The following STK32B variants were observed in gnomAD, a reference collection of about 807,000 sequenced individuals.
STK32B encodes the protein serine/threonine kinase 32B.
In STK32B, 43 loss-of-function variants were observed where a neutral mutation model predicts 52.6. The observed-to-expected ratio is 0.82, with a 90% CI of 0.64 to 1.05. The LOEUF is 1.05. Ranked by LOEUF, STK32B falls within the 50% of genes least tolerant of loss-of-function variation. STK32B has a pLI of 0.00. For missense variants in STK32B, 621 were observed against 534.6 expected, an observed-to-expected ratio of 1.16 and a Z score of -1.59; for synonymous variants, 238 against 204.3, an observed-to-expected ratio of 1.17 and a Z score of -1.41.
intron 4 of STK32B, among the ~76,000 whole-genome samples, chr4:5,359,156 T>C (rs1206528471): frequency 1.3e-5 from 2 of 152,186 alleles, no homozygotes; most frequent in East Asian, 3.8e-4. Flanking sequence ...TTCCTTAAAG[T>C]CAGATTGGGG....
chr4:5,197,176 T>C (rs1212222536), intron 3 of STK32B, among the ~76,000 whole-genome samples: 1 of 152,160 alleles, frequency 6.6e-6, no homozygotes, highest in Admixed American at 6.5e-5. Flanking sequence ...TGATGGAGAC[T>C]GTGGCTAGCA....
At chr4:5,061,526 T>A (rs1451293555) in intron 1 of STK32B, among the ~76,000 whole-genome samples, 1 of 152,190 alleles carries the variant, frequency 6.6e-6, no homozygotes, top group Non-Finnish European at 1.5e-5. Context: ...TGTAAAAAAA[T>A]TGCATGCTGG....
At chr4:5,142,794 G>T (rs576720708) in intron 2 of STK32B, among the ~76,000 whole-genome samples, 1 of 152,310 alleles carries the variant, frequency 6.6e-6, no homozygotes, top group African/African-American at 2.4e-5. Context: ...CGATCTAGAT[G>T]TCCCTGCGAA....
At chr4:5,308,522 G>T (rs1036948112) in intron 3 of STK32B, among the ~76,000 whole-genome samples, 1 of 152,158 alleles carries the variant, frequency 6.6e-6, no homozygotes, top group African/African-American at 2.4e-5. Context: ...ATAGGAGTAA[G>T]TGTGTGGTAT....
chr4:5,211,837 AATG>A (rs1460785450), intron 3 of STK32B, among the ~76,000 whole-genome samples: 15 of 152,202 alleles, frequency 9.9e-5, no homozygotes, highest in African/African-American at 3.6e-4. Context: ...CAAGCTCTAA[AATG>A]ATCAAGCGAC....
chr4:5,228,654 T>G (rs56089601), intron 3 of STK32B, among the ~76,000 whole-genome samples: 1 of 152,066 alleles, frequency 6.6e-6, no homozygotes, highest in Non-Finnish European at 1.5e-5. Flanking sequence ...CAATAATTCT[T>G]TGGTTCCCAG....
chr4:5,200,594 T>G (rs1722064532), intron 3 of STK32B, among the ~76,000 whole-genome samples: 1 of 152,092 alleles, frequency 6.6e-6, no homozygotes, highest in Non-Finnish European at 1.5e-5. Flanking sequence ...AAAACTCTCA[T>G]GCCTCATTGC....
At chr4:5,247,366 C>G (rs1008378153) in intron 3 of STK32B, among the ~76,000 whole-genome samples, 1 of 152,244 alleles carries the variant, frequency 6.6e-6, no homozygotes, top group African/African-American at 2.4e-5. Context: ...GTAGGACCCT[C>G]TGAGCCATGT....
intron 2 of STK32B, among the ~76,000 whole-genome samples, chr4:5,164,162 T>A (rs1317646885): frequency 6.6e-6 from 1 of 152,202 alleles, no homozygotes; most frequent in African/African-American, 2.4e-5. Context: ...ATTTATTATC[T>A]TACAGTTTCG....
At chr4:5,271,352 A>G (rs1279266685) in intron 3 of STK32B, among the ~76,000 whole-genome samples, 1 of 152,196 alleles carries the variant, frequency 6.6e-6, no homozygotes, top group Admixed American at 6.5e-5. Flanking sequence ...TACTGAAAGA[A>G]GGCTTAAATA....
chr4:5,224,380 G>C (rs1332146773), intron 3 of STK32B, among the ~76,000 whole-genome samples: 1 of 152,158 alleles, frequency 6.6e-6, no homozygotes. Flanking sequence ...GCTTCTCTTA[G>C]CCTACTAGAA....
intron 4 of STK32B, 60 bp downstream of exon 4, chr4:5,331,453 G>A (rs1217137801): frequency 7.8e-6 from 12 of 1,540,848 alleles, no homozygotes; most frequent in Non-Finnish European, 1.1e-5. Flanking sequence ...GGTGTCAGGA[G>A]CAGTCTGCAG....
intron 6 of STK32B, among the ~76,000 whole-genome samples, chr4:5,417,234 T>A (rs1017714292): frequency 6.6e-6 from 1 of 152,248 alleles, no homozygotes; most frequent in Non-Finnish European, 1.5e-5. Flanking sequence ...CCATTTATGT[T>A]CAGTATTTTC....
At chr4:5,392,037 G>A (rs1736622610) in intron 4 of STK32B, among the ~76,000 whole-genome samples, 1 of 152,166 alleles carries the variant, frequency 6.6e-6, no homozygotes, top group Admixed American at 6.6e-5. Flanking sequence ...TCAGATTTGT[G>A]CTTTGTAAGG....
At chr4:5,419,967 G>A (rs1712485343) in intron 6 of STK32B, among the ~76,000 whole-genome samples, 1 of 152,176 alleles carries the variant, frequency 6.6e-6, no homozygotes, top group African/African-American at 2.4e-5. Context: ...CAGGTACCGA[G>A]CTAAGTGCTT....
At chr4:5,376,559 T>G (rs549251628) in intron 4 of STK32B, among the ~76,000 whole-genome samples, 1 of 152,092 alleles carries the variant, frequency 6.6e-6, no homozygotes, top group South Asian at 2.1e-4. Context: ...AGGCCAACAC[T>G]TACTGAGATT....
chr4:5,150,180 C>A (rs549469046), intron 2 of STK32B, among the ~76,000 whole-genome samples: 1 of 152,012 alleles, frequency 6.6e-6, no homozygotes, highest in Non-Finnish European at 1.5e-5. Flanking sequence ...AGAAGTTTTC[C>A]TATGGTATGC....
At chr4:5,024,814 G>A in the STK32B span, among the ~76,000 whole-genome samples, 1 of 152,220 alleles carries the variant, frequency 6.6e-6, no homozygotes, top group Non-Finnish European at 1.5e-5. Flanking sequence ...ATTCATGAAA[G>A]TTGGGAAGAG....
intron 3 of STK32B, among the ~76,000 whole-genome samples, chr4:5,216,740 T>G (rs1723205678): frequency 6.6e-6 from 1 of 151,966 alleles, no homozygotes; most frequent in Non-Finnish European, 1.5e-5. Flanking sequence ...TGAGCTAGCT[T>G]AAGAGGGTTG....
Sources: allele counts gnomAD v4.1 joint callset (sites outside exome capture counted in the v4.1 genomes callset), GRCh38; gene constraint gnomAD v4.1.1; transcripts MANE v1.5; gene names NCBI Gene and HGNC (gene_info 2026-07-23, HGNC 2026-07-21).